KCNH7: variants seen among roughly 807,000 people sequenced by gnomAD.
The protein encoded by KCNH7 is potassium voltage-gated channel subfamily H member 7, also known as voltage-gated inwardly rectifying potassium channel KCNH7.
KCNH7 carries 49 observed loss-of-function variants against 120.8 expected under a neutral mutation model. The observed-to-expected ratio is 0.41, with a 90% confidence interval of 0.32 to 0.51. KCNH7 has a LOEUF of 0.51. KCNH7 is among the 20% of genes least tolerant of loss of function. The probability of loss-of-function intolerance (pLI) is 0.38; values close to 1 mark genes in which losing one functional copy is unlikely to be tolerated. For missense variants in KCNH7, 1,097 were observed against 1,446.6 expected (o/e 0.76, Z 3.92); for synonymous variants, 547 against 516.1 (o/e 1.06, Z -0.81).
chr2:162,586,127 A>T (rs1694012662), intron 2 of KCNH7, among the ~76,000 whole-genome samples: 1 of 152,020 alleles, frequency 6.6e-6, no homozygotes, highest in Non-Finnish European at 1.5e-5. Flanking sequence ...TTCCATCTTT[A>T]TATGCACATT....
At chr2:162,764,515 GC>G (rs941043350) in intron 2 of KCNH7, among the ~76,000 whole-genome samples, 10 of 152,172 alleles carry the variant, frequency 6.6e-5, no homozygotes, top group South Asian at 2.1e-4. Flanking sequence ...TACTAGAAAT[GC>G]AAAATGATAC....
intron 8 of KCNH7, among the ~76,000 whole-genome samples, chr2:162,431,856 A>G (rs1347460814): frequency 6.6e-6 from 1 of 152,018 alleles, no homozygotes; most frequent in Non-Finnish European, 1.5e-5. Context: ...ACAAAGGAAG[A>G]AAATTGCCTA....
chr2:162,411,705 A>T (rs1687396186), intron 9 of KCNH7, among the ~76,000 whole-genome samples: 1 of 151,954 alleles, frequency 6.6e-6, no homozygotes, highest in Admixed American at 6.6e-5. Context: ...ATTAGTCTTA[A>T]CACTTCTTTA....
At chr2:162,475,406 G>A (rs576400556) in intron 6 of KCNH7, among the ~76,000 whole-genome samples, 1 of 152,274 alleles carries the variant, frequency 6.6e-6, no homozygotes, top group Non-Finnish European at 1.5e-5. Context: ...AAATAGCGTG[G>A]CATGAGGCCA....
At chr2:162,636,598 A>G (rs1559056600) in intron 2 of KCNH7, among the ~76,000 whole-genome samples, 2 of 152,146 alleles carry the variant, frequency 1.3e-5, no homozygotes, top group African/African-American at 4.8e-5. Flanking sequence ...AAGTTCATTG[A>G]CATGACATAG....
chr2:162,629,932 T>C (rs922322960), intron 2 of KCNH7, among the ~76,000 whole-genome samples: 1 of 152,140 alleles, frequency 6.6e-6, no homozygotes, highest in Admixed American at 6.6e-5. Flanking sequence ...TAATTGGACA[T>C]AAATGAAGAA....
intron 9 of KCNH7, among the ~76,000 whole-genome samples, chr2:162,408,011 T>C (rs1026685387): frequency 6.6e-6 from 1 of 152,020 alleles, no homozygotes; most frequent in East Asian, 1.9e-4. Flanking sequence ...GGAATATACA[T>C]TGGCAATCAC....
chr2:162,561,353 A>G (rs1314555947), intron 2 of KCNH7, among the ~76,000 whole-genome samples: 1 of 152,116 alleles, frequency 6.6e-6, no homozygotes, highest in Non-Finnish European at 1.5e-5. Flanking sequence ...CAGTTTTTTA[A>G]GTGAAAATGT....
intron 8 of KCNH7, among the ~76,000 whole-genome samples, chr2:162,427,815 T>G (rs1573944761): frequency 6.6e-6 from 1 of 151,990 alleles, no homozygotes; most frequent in East Asian, 1.9e-4. Flanking sequence ...TTGTCAAGTT[T>G]ATTGTTCTTT....
intron 2 of KCNH7, among the ~76,000 whole-genome samples, chr2:162,548,497 T>C (rs1364114499): frequency 6.6e-6 from 1 of 152,196 alleles, no homozygotes; most frequent in Non-Finnish European, 1.5e-5. Context: ...TAGTACCTTT[T>C]CAAAGTAACA....
At chr2:162,578,152 C>T (rs1249976284) in intron 2 of KCNH7, among the ~76,000 whole-genome samples, 1 of 151,964 alleles carries the variant, frequency 6.6e-6, no homozygotes, top group Admixed American at 6.6e-5. Context: ...ATGTTTTACA[C>T]AGAAATTGTT....
At chr2:162,827,807 C>G (rs1685339467) in intron 2 of KCNH7, among the ~76,000 whole-genome samples, 1 of 152,114 alleles carries the variant, frequency 6.6e-6, no homozygotes, top group Non-Finnish European at 1.5e-5. Context: ...CTTCTCTGAA[C>G]CTCAATTTAA....
At chr2:162,691,004 G>A (rs1024170541) in intron 2 of KCNH7, among the ~76,000 whole-genome samples, 15 of 152,012 alleles carry the variant, frequency 9.9e-5, no homozygotes, top group Non-Finnish European at 7.4e-5. Context: ...CTGCTTCCTG[G>A]CCACAGACTC....
chr2:162,607,997 G>C (rs1274312955), intron 2 of KCNH7, among the ~76,000 whole-genome samples: 1 of 152,138 alleles, frequency 6.6e-6, no homozygotes, highest in Non-Finnish European at 1.5e-5. Flanking sequence ...TATTCTTTTA[G>C]ATGTTTCTAG....
chr2:162,508,144 T>C (rs1276126379), intron 5 of KCNH7, among the ~76,000 whole-genome samples: 13 of 151,564 alleles, frequency 8.6e-5, no homozygotes, highest in African/African-American at 4.8e-5. Flanking sequence ...CATTTCAGGA[T>C]AGGAAAATGA....
chr2:162,707,961 C>T (rs1399549788), intron 2 of KCNH7, among the ~76,000 whole-genome samples: 1 of 151,950 alleles, frequency 6.6e-6, no homozygotes, highest in Non-Finnish European at 1.5e-5. Context: ...AGTGATTCCT[C>T]CCTCTCTGAT....
At chr2:162,700,323 A>G (rs1419226005) in intron 2 of KCNH7, among the ~76,000 whole-genome samples, 1 of 152,162 alleles carries the variant, frequency 6.6e-6, no homozygotes, top group Admixed American at 6.6e-5. Context: ...TTTGCTGTGG[A>G]ACCACGAGAT....
At chr2:162,835,147 A>T (rs1182541249) in intron 2 of KCNH7, among the ~76,000 whole-genome samples, 2 of 152,116 alleles carry the variant, frequency 1.3e-5, no homozygotes, top group African/African-American at 4.8e-5. Flanking sequence ...CTGATTGAAA[A>T]GTAAGAGAAA....
At chr2:162,833,272 G>C (rs1685541758) in intron 2 of KCNH7, among the ~76,000 whole-genome samples, 1 of 132,330 alleles carries the variant, frequency 7.6e-6, no homozygotes, top group African/African-American at 2.6e-5. Context: ...TTAGTTGTGG[G>C]GGCTAACTAA....
Sources: allele counts gnomAD v4.1 joint callset (sites outside exome capture counted in the v4.1 genomes callset), GRCh38; gene constraint gnomAD v4.1.1; transcripts MANE v1.5; gene names NCBI Gene and HGNC (gene_info 2026-07-23, HGNC 2026-07-21).